METTL24: variants seen among roughly 807,000 people sequenced by gnomAD.
METTL24 encodes probable methyltransferase-like protein 24.
In METTL24, 29 loss-of-function variants were observed where a neutral mutation model predicts 32.7. The observed-to-expected ratio is 0.89, with a 90% confidence interval of 0.66 to 1.21. The LOEUF (loss-of-function observed/expected upper bound fraction) is 1.21, where lower values mean the gene tolerates loss of function less well. Ranked by LOEUF, METTL24 falls within the 50% of genes most tolerant of loss-of-function variation. The probability of loss-of-function intolerance (pLI) is 0.00; values close to 1 mark genes in which losing one functional copy is unlikely to be tolerated. For missense variants in METTL24, 439 were observed against 468.1 expected (o/e 0.94, Z 0.57); for synonymous variants, 163 against 179.5 (o/e 0.91, Z 0.73).
chr6:110,338,328 T>C (rs999883970), intron 1 of METTL24, among the ~76,000 whole-genome samples: 2 of 152,072 alleles, frequency 1.3e-5, no homozygotes, highest in South Asian at 4.2e-4. Flanking sequence ...CAAAACCCTA[T>C]CTCTACTAAA....
intron 4 of METTL24, among the ~76,000 whole-genome samples, chr6:110,289,195 A>G (rs2114723708): frequency 6.6e-6 from 1 of 152,376 alleles, no homozygotes; most frequent in Non-Finnish European, 1.5e-5. Flanking sequence ...AAAATACACC[A>G]GTAAACCAAA....
At chr6:110,350,455 A>C (rs750850767) in intron 1 of METTL24, among the ~76,000 whole-genome samples, 1 of 152,118 alleles carries the variant, frequency 6.6e-6, no homozygotes, top group Non-Finnish European at 1.5e-5. Context: ...AGCCAGTTGC[A>C]AGGGGGGCTG....
rs546347331 is a variant in METTL24, at chr6:110,257,797, G to T, written c.787-11537C>A. Among the ~76,000 whole-genome samples, 7 of 152,314 alleles carry T rather than the reference G, an allele frequency of 4.6e-5. No individual in the cohort carries two copies. The South Asian group carries it at 1.5e-3, about 32-fold the overall frequency. On this transcript the variant is annotated intron_variant, in intron 4 of 4. Transcript: ENST00000338882. ...AGATGCAGAAAATATCCACATGCTG[G>T]TAATCTTTGGCCTTGGAAGGTATAA...
Position 110,358,055 on chromosome 6 carries a change from A to T in METTL24, c.218T>A (p.Val73Glu). 9.3e-7 allele frequency: 1 copy of T among 1,075,222 alleles called. No individual in the cohort carries two copies. Among genetic ancestry groups the T allele is most frequent in the Non-Finnish European group, 1.1e-6 (1 of 889,520 alleles). 66.6% of individuals were successfully genotyped at this position (1,075,222 alleles called of 1,614,324 possible). Residue 73 changes from valine (V) to glutamate (E), a missense_variant, in exon 1 of 5, where the codon GTG (valine) becomes GAG (glutamate). Val to Glu is a moderately radical substitution (Grantham distance 121). Transcript: ENST00000338882. Reference sequence around the variant, plus strand: ...CCGGCGACCGCTGCGCACGTAGGTCACCTGCCTCCTGCTGGCGCCGCGCGG... The same window carrying T: ...CCGGCGACCGCTGCGCACGTAGGTCTCCTGCCTCCTGCTGGCGCCGCGCGG... ...GQPRGASRRQ[V>E]TYVRSGRRAP...
chr6:110,322,057 T>G (rs2114753805), intron 2 of METTL24, among the ~76,000 whole-genome samples: 1 of 152,282 alleles, frequency 6.6e-6, no homozygotes, highest in Non-Finnish European at 1.5e-5. Context: ...GGGCCTTGAT[T>G]TCCTTTTCTG....
At chr6:110,262,662 C>T (rs1770760823) in intron 4 of METTL24, among the ~76,000 whole-genome samples, 1 of 151,420 alleles carries the variant, frequency 6.6e-6, no homozygotes, top group East Asian at 1.9e-4. Flanking sequence ...AGAGACACAA[C>T]AAAAAAAAGA....
chr6:110,295,933 G>A (rs1315348589), intron 4 of METTL24, among the ~76,000 whole-genome samples: 3 of 152,018 alleles, frequency 2.0e-5, no homozygotes, highest in African/African-American at 7.3e-5. Context: ...GCATTCTGCT[G>A]GAGACTTTCA....
chr6:110,245,910 A>C lies in METTL24; in HGVS notation c.*36T>G. 1 of 1,558,720 alleles carries C rather than the reference A, an allele frequency of 6.4e-7. No homozygotes were observed. The highest frequency in any genetic ancestry group is 2.2e-5 in the East Asian group (1 of 44,538). ...GAATTATGGACATGCTGCATTCTGC[A>C]AATATTTTCTTGTGCTCTTGATGAC... is the stretch of plus-strand genomic sequence containing the variant. On this transcript the variant is annotated 3_prime_UTR_variant, in exon 5 of 5. Transcript: ENST00000338882.
chr6:110,340,680 T>G (rs1772337657), intron 1 of METTL24, among the ~76,000 whole-genome samples: 1 of 152,190 alleles, frequency 6.6e-6, no homozygotes, highest in Non-Finnish European at 1.5e-5. Flanking sequence ...CAAATTGTTT[T>G]CATCAAAATT....
At chr6:110,268,584 C>T (rs980787986) in intron 4 of METTL24, among the ~76,000 whole-genome samples, 4 of 152,182 alleles carry the variant, frequency 2.6e-5, no homozygotes, top group African/African-American at 4.8e-5. Flanking sequence ...GCAAACAAGA[C>T]ACACACATTT....
intron 1 of METTL24, among the ~76,000 whole-genome samples, chr6:110,324,436 G>A (rs940431287): frequency 6.6e-6 from 1 of 152,200 alleles, no homozygotes; most frequent in Non-Finnish European, 1.5e-5. Flanking sequence ...AGGAGGCCAT[G>A]CTCAGTTTAA....
chr6:110,331,828 A>G (rs536805350), intron 1 of METTL24, among the ~76,000 whole-genome samples: 6 of 152,304 alleles, frequency 3.9e-5, no homozygotes, highest in African/African-American at 1.2e-4. Flanking sequence ...TAAAGACAAC[A>G]ACAATAAAAA....
intron 3 of METTL24, among the ~76,000 whole-genome samples, chr6:110,312,149 GATCTT>G (rs1399857036): frequency 6.6e-6 from 1 of 152,108 alleles, no homozygotes; most frequent in South Asian, 2.1e-4. Flanking sequence ...ACCAAAATGA[GATCTT>G]ATCTTATCCC....
rs188007005 is a variant in METTL24 at position 110,287,618 on chromosome 6, A to T, written c.786+11304T>A. ...GTTTCCTGCCCAAGCATTCTGAAACATCAGGAGCTAAGGTCTCTGGACGTT... is the reference window on the plus strand; with the variant it reads ...GTTTCCTGCCCAAGCATTCTGAAACTTCAGGAGCTAAGGTCTCTGGACGTT... On this transcript the variant is annotated intron_variant, in intron 4 of 4. Transcript: ENST00000338882. Among the ~76,000 whole-genome samples, 258 of 152,326 alleles carry T rather than the reference A, an allele frequency of 1.7e-3. 2 individuals are homozygous for T. The highest frequency in any genetic ancestry group is 5.1e-3 in the African/African-American group (214 of 41,586).
intron 1 of METTL24, among the ~76,000 whole-genome samples, chr6:110,329,290 G>A (rs1198851165): frequency 6.6e-6 from 1 of 152,226 alleles, no homozygotes; most frequent in Admixed American, 6.5e-5. Context: ...CAAGGAACTA[G>A]GTTGTGAGTC....
At chr6:110,334,057 G>A (rs1157241372) in intron 1 of METTL24, among the ~76,000 whole-genome samples, 1 of 149,816 alleles carries the variant, frequency 6.7e-6, no homozygotes, top group African/African-American at 2.5e-5. Context: ...AAAAAGTGGG[G>A]GGAGGAATGG....
rs182405908 is a variant in METTL24, at chr6:110,319,673, C to A, written c.417+3101G>T. On this transcript the variant is annotated intron_variant, in intron 2 of 4. Coordinates refer to ENST00000338882, the MANE Select transcript of METTL24 (RefSeq NM_001123364.3). ...TTCTTGTTAGCAGCAGACAGTGTAC[C>A]ACGGACTACAGAACTCTGTCGTGTA... Among the ~76,000 whole-genome samples the A allele has an allele frequency of 4.0e-5, 6 of 151,822 alleles. No individual in the cohort carries two copies. In the East Asian group the frequency reaches 1.2e-3, roughly 29 times the overall value.
intron 4 of METTL24, among the ~76,000 whole-genome samples, chr6:110,266,722 G>A (rs1160814021): frequency 1.3e-5 from 2 of 152,134 alleles, no homozygotes; most frequent in Non-Finnish European, 2.9e-5. Flanking sequence ...AAAGTTAGAT[G>A]TCCTCTTCAT....
chr6:110,323,793 T>C (rs1377357772), intron 1 of METTL24, among the ~76,000 whole-genome samples: 1 of 151,962 alleles, frequency 6.6e-6, no homozygotes, highest in African/African-American at 2.4e-5. Context: ...GGGGTCAATG[T>C]CTAGTGCCAG....
Sources: gnomAD v4.1 joint callset for allele counts (sites outside exome capture counted in the v4.1 genomes callset) on GRCh38, gnomAD v4.1.1 for gene constraint, MANE v1.5 for transcripts, NCBI Gene and HGNC (gene_info 2026-07-23, HGNC 2026-07-21) for gene names.